CSMD1: variants seen among roughly 807,000 people sequenced by gnomAD.
CSMD1 encodes CUB and Sushi multiple domains 1.
A neutral mutation model predicts 417.5 loss-of-function variants in CSMD1; 213 were observed. That is an observed-to-expected ratio of 0.51 (90% confidence interval 0.46 to 0.57). CSMD1 has a LOEUF of 0.57. Ranked by LOEUF, CSMD1 falls within the 20% of genes least tolerant of loss-of-function variation. The pLI, the probability that CSMD1 is intolerant of heterozygous loss-of-function variation, is 0.00. For missense variants in CSMD1, 6,923 were observed against 4,529.7 expected (o/e 1.53, Z -15.17); for synonymous variants, 2,862 against 1,736.8 (o/e 1.65, Z -16.11).
intron 3 of CSMD1, among the ~76,000 whole-genome samples, chr8:4,077,304 T>TATATATGTAC (rs1799878907): frequency 1.2e-5 from 1 of 82,360 alleles, no homozygotes; most frequent in African/African-American, 3.0e-5. Flanking sequence ...TGTGTATATA[T>TATATATGTAC]ATATATATAT....
rs1428694896 is a variant in CSMD1 at position 3,230,244 on chromosome 8, G to C, written c.4154-13C>G. Reference sequence around the variant, plus strand: ...GCTGCAATTGAGGCTGCAAACAAAAGAGAAGGCAAGGTCACAGGCTGGAAA... The same window carrying C: ...GCTGCAATTGAGGCTGCAAACAAAACAGAAGGCAAGGTCACAGGCTGGAAA... On this transcript the variant is annotated splice_polypyrimidine_tract_variant and intron_variant, in intron 26 of 69. Transcript: ENST00000635120. The C allele has an allele frequency of 2.6e-6, 4 of 1,556,180 alleles. No homozygotes were observed. The highest frequency in any genetic ancestry group is 2.6e-6 in the Non-Finnish European group (3 of 1,148,114).
chr8:4,113,347 G>C (rs1273318584), intron 3 of CSMD1, among the ~76,000 whole-genome samples: 2 of 147,658 alleles, frequency 1.4e-5, no homozygotes, highest in African/African-American at 5.0e-5. Flanking sequence ...CAACAGCCAA[G>C]CTGTGAGTGC....
intron 68 of CSMD1, among the ~76,000 whole-genome samples, chr8:2,947,508 G>A (rs1272684619): frequency 1.3e-5 from 2 of 152,158 alleles, no homozygotes; most frequent in Admixed American, 6.5e-5. Flanking sequence ...ATCATCACAT[G>A]AGAATAAAAA....
At chr8:4,907,665 T>C (rs541830040) in intron 1 of CSMD1, among the ~76,000 whole-genome samples, 1 of 151,782 alleles carries the variant, frequency 6.6e-6, no homozygotes, top group Non-Finnish European at 1.5e-5. Context: ...GCTCTAATGA[T>C]CCTCCTAGTC....
At chr8:3,786,694 A>G (rs2129065554) in intron 5 of CSMD1, among the ~76,000 whole-genome samples, 1 of 152,290 alleles carries the variant, frequency 6.6e-6, no homozygotes, top group Non-Finnish European at 1.5e-5. Context: ...AACGAAAACC[A>G]TGTATTTCTC....
chr8:3,635,333 G>A (rs1486192212), intron 7 of CSMD1, among the ~76,000 whole-genome samples: 2 of 151,986 alleles, frequency 1.3e-5, no homozygotes, highest in African/African-American at 4.8e-5. Flanking sequence ...AATTAGCCAG[G>A]CAAAGTGGTG....
chr8:3,985,084 T>C (rs1363762795), intron 5 of CSMD1, among the ~76,000 whole-genome samples: 1 of 152,034 alleles, frequency 6.6e-6, no homozygotes, highest in South Asian at 2.1e-4. Context: ...GTGGCTTTTA[T>C]GTTACTTAGG....
At chr8:3,822,800 A>T (rs1801812435) in intron 5 of CSMD1, among the ~76,000 whole-genome samples, 1 of 152,164 alleles carries the variant, frequency 6.6e-6, no homozygotes, top group African/African-American at 2.4e-5. Context: ...GATTTGTGGA[A>T]CAGAACTTTG....
chr8:3,243,754 A>G (rs922541664), intron 26 of CSMD1, among the ~76,000 whole-genome samples: 3 of 150,830 alleles, frequency 2.0e-5, no homozygotes, highest in African/African-American at 7.3e-5. Flanking sequence ...TTATTTATGT[A>G]TTTATATAAA....
At chr8:4,066,459 C>T (rs1035635) in intron 3 of CSMD1, among the ~76,000 whole-genome samples, 124,644 of 152,206 alleles carry the variant, frequency 0.82, 51,248 homozygotes, top group Admixed American at 0.88. Flanking sequence ...ATAATATTTT[C>T]CAAATAAATG....
chr8:3,747,363 T>C (rs1420515979), intron 6 of CSMD1, among the ~76,000 whole-genome samples: 1 of 147,112 alleles, frequency 6.8e-6, no homozygotes, highest in Non-Finnish European at 1.5e-5. Flanking sequence ...GAAGAGATTG[T>C]TCTGATCATC....
chr8:3,784,407 T>G (rs1799336163), intron 5 of CSMD1, among the ~76,000 whole-genome samples: 1 of 152,204 alleles, frequency 6.6e-6, no homozygotes, highest in Non-Finnish European at 1.5e-5. Context: ...AAATAACTGC[T>G]GTTAGTATTA....
In CSMD1 at chr8:4,546,377, G is replaced by C. The variant is rs538739657; in HGVS notation, c.302+90965C>G. On this transcript the variant is annotated intron_variant, in intron 2 of 69. Coordinates refer to ENST00000635120, the MANE Select transcript of CSMD1 (RefSeq NM_033225.6). The stretch of plus-strand genomic sequence containing the variant: ...ATAGCTGGTAAAAGATTGCTTCTGA[G>C]TGTGTCTGTGAGGGGGTTTCTAGAA... Among the ~76,000 whole-genome samples, 6 of 152,296 alleles carry C rather than the reference G, an allele frequency of 3.9e-5. No individual in the cohort carries two copies. In the Middle Eastern group the frequency reaches 0.017, roughly 432 times the overall value.
At chr8:3,395,208 C>A (rs1161487208) in intron 17 of CSMD1, among the ~76,000 whole-genome samples, 1 of 152,108 alleles carries the variant, frequency 6.6e-6, no homozygotes, top group Non-Finnish European at 1.5e-5. Flanking sequence ...TTAAAAACAT[C>A]TTTACAATAG....
At chr8:4,042,579 G>A (rs1257264545) in intron 3 of CSMD1, among the ~76,000 whole-genome samples, 1 of 151,926 alleles carries the variant, frequency 6.6e-6, no homozygotes, top group Admixed American at 6.6e-5. Flanking sequence ...TAATAGCATA[G>A]TAAGGAATTC....
At chr8:4,613,022 G>T (rs1585330753) in intron 2 of CSMD1, among the ~76,000 whole-genome samples, 1 of 152,148 alleles carries the variant, frequency 6.6e-6, no homozygotes, top group Non-Finnish European at 1.5e-5. Flanking sequence ...GGAAAATTCA[G>T]TGTAAGGGGG....
intron 51 of CSMD1, among the ~76,000 whole-genome samples, chr8:3,020,660 G>C (rs1225617907): frequency 1.3e-5 from 2 of 152,080 alleles, no homozygotes; most frequent in East Asian, 1.9e-4. Flanking sequence ...TTTTAATTAA[G>C]CTGTCTTTAC....
intron 3 of CSMD1, among the ~76,000 whole-genome samples, chr8:4,342,050 G>C (rs1316785441): frequency 1.3e-5 from 2 of 152,014 alleles, no homozygotes; most frequent in Non-Finnish European, 2.9e-5. Context: ...TATGAATTTG[G>C]AGCATCCTGA....
At chr8:4,124,405 T>C (rs1563154579) in intron 3 of CSMD1, among the ~76,000 whole-genome samples, 1 of 3,224 alleles carries the variant, frequency 3.1e-4, no homozygotes, top group Non-Finnish European at 8.6e-3. Flanking sequence ...GGGATTTGTA[T>C]TTAATTTTTT....
Sources: allele counts gnomAD v4.1 joint callset (sites outside exome capture counted in the v4.1 genomes callset), GRCh38; gene constraint gnomAD v4.1.1; transcripts MANE v1.5; gene names NCBI Gene and HGNC (gene_info 2026-07-23, HGNC 2026-07-21).